ITGAV: variants seen among roughly 807,000 people sequenced by gnomAD.
ITGAV encodes integrin subunit alpha V, also known as integrin alpha-V.
In ITGAV, 76 loss-of-function variants were observed where a neutral mutation model predicts 143.8. That is an observed-to-expected ratio of 0.53 (90% CI 0.44 to 0.64). The LOEUF is 0.64. Among genes scored for constraint, ITGAV ranks in the 30% least tolerant of loss-of-function variants. The pLI is 0.00. For missense variants in ITGAV, 1,193 were observed against 1,274.7 expected (o/e 0.94, Z 0.98); for synonymous variants, 453 against 446.7 (o/e 1.01, Z -0.18).
intron 1 of ITGAV, among the ~76,000 whole-genome samples, chr2:186,598,964 T>C (rs1686823760): frequency 6.6e-6 from 1 of 152,196 alleles, no homozygotes; most frequent in Admixed American, 6.5e-5. Flanking sequence ...CTGCAATTCG[T>C]ACAGCCAGCT....
chr2:186,646,839 T>C lies in ITGAV; in HGVS notation c.1313T>C (p.Met438Thr). The change falls in exon 13 of 30, where the codon ATG becomes ACG. Residue 438 changes from methionine (M) to threonine (T), a missense_variant. Met to Thr is a moderately conservative substitution (Grantham distance 81). Transcript: ENST00000261023. The part of the protein sequence containing the change: ...RSMPPSFGYS[M>T]KGATDIDKNG... ...ATGCCACCAAGCTTTGGCTATTCAA[T>C]GAAAGGAGCCACAGATATAGACAAA... The C allele has an allele frequency of 6.2e-7, 1 of 1,607,784 alleles. No individual in the cohort carries two copies. The highest frequency in any genetic ancestry group is 8.5e-7 in the Non-Finnish European group (1 of 1,175,644).
rs752959691 is a variant in ITGAV at position 186,636,178 on chromosome 2, C to T, written c.728C>T (p.Ala243Val). The T allele has an allele frequency of 5.0e-6, 8 of 1,612,314 alleles. No homozygotes were observed. The highest frequency in any genetic ancestry group is 6.8e-6 in the Non-Finnish European group (8 of 1,179,382). Residue 243 changes from alanine to valine, a missense_variant, in exon 7 of 30, where the codon GCA becomes GTA. Coordinates refer to ENST00000261023, the MANE Select transcript of ITGAV (RefSeq NM_002210.5). ...AATAACCAATTAGCAACTCGGACTG[C>T]ACAAGCTATTTTTGATGACAGCTAT... ...KYNNQLATRT[A>V]QAIFDDSYLG...
At chr2:186,611,196 G>A (rs1559042202) in intron 2 of ITGAV, among the ~76,000 whole-genome samples, 1 of 151,984 alleles carries the variant, frequency 6.6e-6, no homozygotes, top group East Asian at 1.9e-4. Flanking sequence ...TGATTATAAT[G>A]AGTCCACCCA....
At chr2:186,655,741 G>T (rs1688564533) in intron 16 of ITGAV, among the ~76,000 whole-genome samples, 1 of 152,096 alleles carries the variant, frequency 6.6e-6, no homozygotes, top group South Asian at 2.1e-4. Context: ...CTTCCTGAAG[G>T]CATATTCATC....
chr2:186,636,625 G>C (rs1301078268), intron 7 of ITGAV, among the ~76,000 whole-genome samples: 1 of 152,186 alleles, frequency 6.6e-6, no homozygotes, highest in Admixed American at 6.5e-5. Flanking sequence ...GATTCAAATG[G>C]AGACAGTCTA....
intron 5 of ITGAV, among the ~76,000 whole-genome samples, chr2:186,631,759 G>T (rs989792557): frequency 4.6e-5 from 7 of 152,172 alleles, no homozygotes; most frequent in Admixed American, 1.3e-4. Context: ...TAGGCTGGGT[G>T]CAGTGGCTCA....
rs1234954060 is a variant in ITGAV at position 186,678,749 on chromosome 2, T to C, written c.*1457T>C. The C allele has an allele frequency of 2.2e-6, 1 of 455,734 alleles. No homozygotes were observed. Among genetic ancestry groups the C allele is most frequent in the African/African-American group, 2.0e-5 (1 of 50,042 alleles). 28.2% of individuals were successfully genotyped at this position (455,734 alleles called of 1,614,324 possible). ...TACCTATTTTTGTGCAATTACATCA[T>C]GTTGTACATTAGAAATGGAGAGTTT... On this transcript the variant is annotated 3_prime_UTR_variant, in exon 30 of 30. Transcript: ENST00000261023.
chr2:186,671,983 G>T (rs142693104), intron 26 of ITGAV, among the ~76,000 whole-genome samples: 18 of 125,096 alleles, frequency 1.4e-4, no homozygotes, highest in Non-Finnish European at 2.2e-4. Flanking sequence ...ACAGAGTCTC[G>T]CTCTGTCACC....
chr2:186,648,328 A>G (rs1437072561), intron 13 of ITGAV, among the ~76,000 whole-genome samples: 1 of 152,184 alleles, frequency 6.6e-6, no homozygotes, highest in Non-Finnish European at 1.5e-5. Context: ...GTTTTTGTCA[A>G]CTTTTTAAAG....
intron 28 of ITGAV, 51 bp downstream of exon 28, chr2:186,675,978 G>C: frequency 2.1e-6 from 2 of 971,476 alleles, no homozygotes; most frequent in Non-Finnish European, 3.2e-6. Flanking sequence ...TTCAAATGCT[G>C]TACATGTTTT....
chr2:186,629,533 A>G (rs915610581), intron 4 of ITGAV, among the ~76,000 whole-genome samples: 5 of 151,916 alleles, frequency 3.3e-5, no homozygotes, highest in Non-Finnish European at 5.9e-5. Flanking sequence ...AGAAAAATTT[A>G]CATTGGTTTA....
rs1362375871 is a variant in ITGAV, at chr2:186,679,706, GAT to G, written c.*2417_*2418del. On this transcript the variant is annotated 3_prime_UTR_variant, in exon 30 of 30. Transcript: ENST00000261023. ...GACATTGGTAAGAAATATTGATACT[GAT>G]ATTGATTTTTATATAGGTATTTATT... 8 of 151,894 alleles carry G rather than the reference GAT, an allele frequency of 5.3e-5. No individual in the cohort carries two copies. The highest frequency in any genetic ancestry group is 2.0e-4 in the Admixed American group (3 of 15,234). 9.4% of individuals were successfully genotyped at this position (151,894 alleles called of 1,614,324 possible). A position where few individuals can be genotyped will look rare whatever the true frequency, so the allele number is the denominator to read the frequency against.
At chr2:186,651,070 T>C (rs986592836) in intron 14 of ITGAV, among the ~76,000 whole-genome samples, 1 of 152,218 alleles carries the variant, frequency 6.6e-6, no homozygotes, top group Non-Finnish European at 1.5e-5. Context: ...CCCAATTTCT[T>C]ATATATCCCC....
chr2:186,667,294 G>A (rs2105745356), intron 23 of ITGAV, 64 bp downstream of exon 23: 1 of 1,235,502 alleles, frequency 8.1e-7, no homozygotes, highest in Non-Finnish European at 1.2e-6. Flanking sequence ...TAACTGTCAG[G>A]CCTTAGCCTT....
Position 186,625,533 on chromosome 2 carries a change from A to G in ITGAV, c.469A>G (p.Thr157Ala), listed in dbSNP as rs1348310521. 6.2e-7 allele frequency: 1 copy of G among 1,614,002 alleles called. No individual in the cohort carries two copies. The highest frequency in any genetic ancestry group is 8.5e-7 in the Non-Finnish European group (1 of 1,179,952). Residue 157 changes from threonine (T) to alanine (A), a missense_variant, in exon 4 of 30, where the codon ACA (threonine) becomes GCA (alanine). Physicochemically the swap from Thr to Ala is moderately conservative, Grantham distance 58 (BLOSUM62 0). Transcript: ENST00000261023. ...EMKQEREPVG[T>A]CFLQDGTKTV... is the part of the protein sequence containing the mutation. ...GAAACAGGAGCGAGAGCCTGTTGGA[A>G]CATGCTTTCTTCAAGATGGAACAAA...
intron 15 of ITGAV, among the ~76,000 whole-genome samples, chr2:186,652,771 CTAATA>C (rs1225247515): frequency 2.6e-5 from 4 of 151,962 alleles, no homozygotes; most frequent in African/African-American, 9.7e-5. Context: ...TTATTTTGCT[CTAATA>C]TATTAATTTT....
rs1442292605 is a variant in ITGAV, at chr2:186,677,323, C to T, written c.*31C>T. 2 of 1,516,474 alleles carry T rather than the reference C, an allele frequency of 1.3e-6. No individual in the cohort carries two copies. Among genetic ancestry groups the T allele is most frequent in the African/African-American group, 1.4e-5 (1 of 72,486 alleles). The allele number at this position is 1,516,474 out of a possible 1,614,324, so 93.9% of individuals were successfully genotyped here. A position where few individuals can be genotyped will look rare whatever the true frequency, so the allele number is the denominator to read the frequency against. On this transcript the variant is annotated 3_prime_UTR_variant, in exon 30 of 30. Coordinates refer to ENST00000261023, the MANE Select transcript of ITGAV (RefSeq NM_002210.5). Reference sequence around the variant, plus strand: ...GTTTTTAAGTTATGCTACATCTTGACCCACTAGAATTAGCAACTTTATTAT... The same window carrying T: ...GTTTTTAAGTTATGCTACATCTTGATCCACTAGAATTAGCAACTTTATTAT...
intron 2 of ITGAV, among the ~76,000 whole-genome samples, chr2:186,619,419 A>G (rs1172881437): frequency 6.6e-6 from 1 of 152,160 alleles, no homozygotes; most frequent in Non-Finnish European, 1.5e-5. Context: ...GAATGGGAAA[A>G]TAGAGATTTG....
intron 1 of ITGAV, among the ~76,000 whole-genome samples, chr2:186,598,004 C>A (rs75359749): frequency 1.0e-3 from 159 of 152,260 alleles, no homozygotes; most frequent in African/African-American, 3.5e-3. Context: ...AGCTTGAGAA[C>A]CAGTTCTCCT....
Sources: gnomAD v4.1 joint callset for allele counts (sites outside exome capture counted in the v4.1 genomes callset) on GRCh38, gnomAD v4.1.1 for gene constraint, MANE v1.5 for transcripts, NCBI Gene and HGNC (gene_info 2026-07-23, HGNC 2026-07-21) for gene names.